Variants in SBF2 observed in about 807,000 individuals in gnomAD.
SBF2 encodes the protein myotubularin-related protein 13.
SBF2 carries 112 observed loss-of-function variants against 225.2 expected under a neutral mutation model. That is an observed-to-expected ratio of 0.50 (90% CI 0.43 to 0.58). The LOEUF (loss-of-function observed/expected upper bound fraction) is 0.58. SBF2 is among the 20% of genes least tolerant of loss of function. The pLI, the probability that SBF2 is intolerant of heterozygous loss-of-function variation, is 0.00. For synonymous variants in SBF2, 763 were observed against 773.3 expected (o/e 0.99, Z 0.22); for missense variants, 1,996 against 2,206.2 (o/e 0.90, Z 1.91).
At chr11:10,028,605 T>A in intron 5 of SBF2, 48 bp from the exon 6 acceptor site, 1 of 1,250,800 alleles carries the variant, frequency 8.0e-7, no homozygotes, top group South Asian at 1.2e-5. Context: ...ATTTCAGCCA[T>A]TTTTTAAAAA....
chr11:9,894,108 G>A (rs1409384299), intron 17 of SBF2, among the ~76,000 whole-genome samples: 1 of 151,848 alleles, frequency 6.6e-6, no homozygotes, highest in Admixed American at 6.6e-5. Flanking sequence ...TCAGCCAGGC[G>A]TGGTGGCTCA....
chr11:10,054,817 T>A (rs1342875177), intron 2 of SBF2, among the ~76,000 whole-genome samples: 1 of 151,832 alleles, frequency 6.6e-6, no homozygotes, highest in South Asian at 2.1e-4. Context: ...TCAACATCAC[T>A]AATCATTAGG....
chr11:9,858,748 T>TA (rs1345417703), intron 17 of SBF2, among the ~76,000 whole-genome samples: 1 of 152,198 alleles, frequency 6.6e-6, no homozygotes, highest in Non-Finnish European at 1.5e-5. Context: ...GATGTAAACA[T>TA]AAAACTCCAG....
At chr11:9,977,755 C>A (rs1416713551) in intron 13 of SBF2, among the ~76,000 whole-genome samples, 1 of 152,112 alleles carries the variant, frequency 6.6e-6, no homozygotes, top group Non-Finnish European at 1.5e-5. Flanking sequence ...TAACCCATTC[C>A]CCCAAAGTCA....
At position 10,267,261 on chromosome 11, in the gene SBF2, G is replaced by A. The variant is rs571244357; in HGVS notation, c.55+26754C>T. Among the ~76,000 whole-genome samples, 13 of 151,798 alleles carry A rather than the reference G, an allele frequency of 8.6e-5. No homozygotes were observed. The East Asian group carries it at 1.6e-3, about 18-fold the overall frequency. ...CTGGTCCAGATGGCTATACAAACCC[G>A]AAACTGTCTACACCCAGACTTTAAC... On this transcript the variant is annotated intron_variant, in intron 1 of 39. Transcript: ENST00000256190.
chr11:10,098,687 A>ATG (rs1565226729), intron 2 of SBF2, among the ~76,000 whole-genome samples: 4 of 129,220 alleles, frequency 3.1e-5, no homozygotes, highest in South Asian at 2.4e-4. Context: ...ATGCACACAC[A>ATG]CACACACACA....
intron 1 of SBF2, among the ~76,000 whole-genome samples, chr11:10,210,830 T>C (rs1314855499): frequency 4.0e-5 from 6 of 151,862 alleles, no homozygotes; most frequent in African/African-American, 1.5e-4. Flanking sequence ...CTGGCCAACG[T>C]GGTGAAACCC....
Position 9,932,957 on chromosome 11 carries a change from C to CAAAAAAAAAAAAAAAA in SBF2, c.1860+28984_1860+28999dup, listed in dbSNP as rs574177096. ...GGAGATCTACCAAGCAAACGAAAAGCAAAAAAAAAAAAAAAAAAAAAAAAA... is the reference window on the plus strand; with the variant it reads ...GGAGATCTACCAAGCAAACGAAAAGCAAAAAAAAAAAAAAAAAAAAAAAAAAAAAAAAAAAAAAAAA... On this transcript the variant is annotated intron_variant, in intron 16 of 39. Coordinates refer to ENST00000256190, the MANE Select transcript of SBF2 (RefSeq NM_030962.4). 2.0e-4 allele frequency among the ~76,000 whole-genome samples: 12 copies of CAAAAAAAAAAAAAAAA among 58,770 alleles called. 2 individuals carry two copies. The East Asian group carries it at 9.5e-3, about 47-fold the overall frequency. 38.6% of individuals were successfully genotyped at this position (58,770 alleles called of 152,430 possible). A position where few individuals can be genotyped will look rare whatever the true frequency, so the allele number is the denominator to read the frequency against.
chr11:9,815,558 CTT>C (rs1435633156), intron 29 of SBF2, among the ~76,000 whole-genome samples: 2 of 152,110 alleles, frequency 1.3e-5, no homozygotes, highest in Non-Finnish European at 2.9e-5. Flanking sequence ...CATCCCAACT[CTT>C]TCTTACTCAA....
intron 28 of SBF2, among the ~76,000 whole-genome samples, chr11:9,822,410 G>A (rs996720267): frequency 1.2e-4 from 18 of 151,996 alleles, no homozygotes; most frequent in Admixed American, 2.6e-4. Flanking sequence ...ACAGGCGCCC[G>A]CCACCACGCC....
chr11:10,097,020 C>T (rs969747061), intron 2 of SBF2, among the ~76,000 whole-genome samples: 23 of 152,264 alleles, frequency 1.5e-4, no homozygotes, highest in African/African-American at 5.3e-4. Context: ...GTCTAAAAGG[C>T]CCCTAAAATT....
intron 10 of SBF2, 60 bp downstream of exon 10, chr11:9,993,861 C>G (rs1325579567): frequency 6.1e-6 from 9 of 1,472,670 alleles, no homozygotes; most frequent in Non-Finnish European, 8.5e-6. Context: ...CTTTAACAAC[C>G]CTATAAATAA....
At position 9,858,347 on chromosome 11, in the gene SBF2, T is replaced by TG; in HGVS notation, c.1978dup (p.His660ProfsTer43). 1 of 1,614,134 alleles carries TG rather than the reference T, an allele frequency of 6.2e-7. No individual in the cohort carries two copies. Among genetic ancestry groups the TG allele is most frequent in the African/African-American group, 1.3e-5 (1 of 75,032 alleles). ...AAATTGCTGATTTGTCCAAATGGGG[T>TG]GGTCTTGTACACACGTGTAAGCAAA... is the stretch of plus-strand genomic sequence containing the variant. On this transcript the variant is annotated frameshift_variant, in exon 18 of 40. Transcript: ENST00000256190. LOFTEE classifies it high-confidence loss of function.
chr11:9,852,713 A>G lies in SBF2; in HGVS notation c.2573T>C (p.Val858Ala). ...CGGAAGTCTTCTGCTTTCTCGATGTACTGCTTCTAGGGTCTCAATGTGCAT... is the reference window on the plus strand; with the variant it reads ...CGGAAGTCTTCTGCTTTCTCGATGTGCTGCTTCTAGGGTCTCAATGTGCAT... ...VAMHIETLEA[V>A]HRESRRLPPI... The change falls in exon 21 of 40, where the codon GTA becomes GCA. Residue 858 changes from valine (V) to alanine (A), a missense_variant. Val to Ala is a moderately conservative substitution (Grantham distance 64). Transcript: ENST00000256190. 6.2e-7 allele frequency: 1 copy of G among 1,613,510 alleles called. No homozygotes were observed. Among genetic ancestry groups the G allele is most frequent in the Non-Finnish European group, 8.5e-7 (1 of 1,179,516 alleles).
At chr11:10,194,613 C>T (rs1957296103) in intron 1 of SBF2, among the ~76,000 whole-genome samples, 3 of 152,148 alleles carry the variant, frequency 2.0e-5, no homozygotes, top group Non-Finnish European at 2.9e-5. Context: ...CGAGTTCAAG[C>T]GATTCTCCTG....
intron 17 of SBF2, among the ~76,000 whole-genome samples, chr11:9,884,274 T>C (rs1156374793): frequency 6.6e-6 from 1 of 152,196 alleles, no homozygotes; most frequent in African/African-American, 2.4e-5. Context: ...GAAACTGTTT[T>C]TGTGAAATGC....
At position 10,178,136 on chromosome 11, in the gene SBF2, C is replaced by T. The variant is rs1192097295; in HGVS notation, c.141+15766G>A. Reference sequence around the variant, plus strand: ...AAATGGTGCTGGGAAAACTGGCTAGCCATATGTAGAAAGCTGAAACTGGAT... The same window carrying T: ...AAATGGTGCTGGGAAAACTGGCTAGTCATATGTAGAAAGCTGAAACTGGAT... On this transcript the variant is annotated intron_variant, in intron 2 of 39. Coordinates refer to ENST00000256190, the MANE Select transcript of SBF2 (RefSeq NM_030962.4). Among the ~76,000 whole-genome samples, 44 of 146,784 alleles carry T rather than the reference C, an allele frequency of 3.0e-4. 3 individuals are homozygous for T. Among genetic ancestry groups the T allele is most frequent in the East Asian group, 6.6e-4 (3 of 4,566 alleles).
At chr11:9,931,171 G>A (rs1179964523) in intron 16 of SBF2, among the ~76,000 whole-genome samples, 1 of 152,252 alleles carries the variant, frequency 6.6e-6, no homozygotes, top group African/African-American at 2.4e-5. Context: ...ACCTCTGTGG[G>A]CAGGGCATAG....
chr11:9,889,517 TGAG>T (rs1860622837), intron 17 of SBF2, among the ~76,000 whole-genome samples: 1 of 152,222 alleles, frequency 6.6e-6, no homozygotes. Context: ...TTCTTTAAAC[TGAG>T]GAGTCATGTT....
Sources: allele counts gnomAD v4.1 joint callset (sites outside exome capture counted in the v4.1 genomes callset), GRCh38; gene constraint gnomAD v4.1.1; transcripts MANE v1.5; gene names NCBI Gene and HGNC (gene_info 2026-07-23, HGNC 2026-07-21).